Variants in PDE1C observed in about 807,000 individuals in gnomAD.
PDE1C encodes the protein dual specificity calcium/calmodulin-dependent 3',5'-cyclic nucleotide phosphodiesterase 1C.
PDE1C carries 62 observed loss-of-function variants against 93.1 expected under a neutral mutation model. The observed-to-expected ratio is 0.67, with a 90% CI of 0.54 to 0.82. The LOEUF (loss-of-function observed/expected upper bound fraction) is 0.82. Ranked by LOEUF, PDE1C falls within the 40% of genes least tolerant of loss-of-function variation. The pLI is 0.00. For synonymous variants in PDE1C, 325 were observed against 310.1 expected (o/e 1.05, Z -0.50); for missense variants, 742 against 884.6 (o/e 0.84, Z 2.04).
chr7:31,638,922 A>T, the PDE1C span, among the ~76,000 whole-genome samples: 3 of 152,132 alleles, frequency 2.0e-5, no homozygotes, highest in East Asian at 5.8e-4. Flanking sequence ...GATTACAGGC[A>T]CCTGCCACCA....
chr7:31,621,187 G>A, the PDE1C span, among the ~76,000 whole-genome samples: 3 of 152,156 alleles, frequency 2.0e-5, no homozygotes, highest in Non-Finnish European at 4.4e-5. Context: ...CAATCTGCAG[G>A]ATATTATCCA....
At chr7:31,658,564 T>C in the PDE1C span, 1 of 407,554 alleles carries the variant, frequency 2.5e-6, no homozygotes. Context: ...CAAATTGTAA[T>C]TTAAAACAAC....
At chr7:32,425,438 TA>T (rs1785507745) in intron 1 of PDE1C, among the ~76,000 whole-genome samples, 1 of 152,280 alleles carries the variant, frequency 6.6e-6, no homozygotes, top group South Asian at 2.1e-4. Context: ...CTAGGTGATA[TA>T]AAACTCAGAA....
At chr7:31,940,742 T>C (rs533350790) in intron 2 of PDE1C, among the ~76,000 whole-genome samples, 1 of 152,284 alleles carries the variant, frequency 6.6e-6, no homozygotes, top group East Asian at 1.9e-4. Flanking sequence ...TGATAATTAA[T>C]TCTGGTAAGG....
intron 2 of PDE1C, among the ~76,000 whole-genome samples, chr7:32,036,863 T>A (rs776559598): frequency 2.0e-5 from 3 of 152,146 alleles, no homozygotes; most frequent in Non-Finnish European, 4.4e-5. Flanking sequence ...GAAATGTAAA[T>A]CCACAGCTCT....
the PDE1C span, among the ~76,000 whole-genome samples, chr7:31,738,744 G>A: frequency 6.6e-6 from 1 of 152,188 alleles, no homozygotes; most frequent in South Asian, 2.1e-4. Flanking sequence ...TTGGGACTCA[G>A]GAAGACCTGG....
At chr7:31,726,355 G>A in the PDE1C span, among the ~76,000 whole-genome samples, 1 of 152,074 alleles carries the variant, frequency 6.6e-6, no homozygotes, top group Non-Finnish European at 1.5e-5. Flanking sequence ...ACTGCACCTA[G>A]CAAAATAATA....
In PDE1C at chr7:32,207,076, C is replaced by T. The variant is rs1239272627; in HGVS notation, c.136+2413G>A. Among the ~76,000 whole-genome samples the T allele has an allele frequency of 2.0e-5, 3 of 152,274 alleles. No homozygotes were observed. The East Asian group carries it at 5.8e-4, about 29-fold the overall frequency. On this transcript the variant is annotated intron_variant, in intron 2 of 18. Transcript: ENST00000396193. ...GGTTGATTGGAAGCCACTGCTTGAGCCTGCAATGATGGGGCAGGGGTGGTG... is the reference window on the plus strand; with the variant it reads ...GGTTGATTGGAAGCCACTGCTTGAGTCTGCAATGATGGGGCAGGGGTGGTG...
At chr7:31,920,088 G>C (rs542059109) in intron 2 of PDE1C, among the ~76,000 whole-genome samples, 61 of 152,256 alleles carry the variant, frequency 4.0e-4, no homozygotes, top group Non-Finnish European at 8.8e-5. Context: ...GCCTGACCTG[G>C]AGATCAACCA....
At chr7:32,047,237 G>A (rs1792729704) in intron 2 of PDE1C, among the ~76,000 whole-genome samples, 1 of 152,040 alleles carries the variant, frequency 6.6e-6, no homozygotes, top group Admixed American at 6.6e-5. Flanking sequence ...ATAACTTGAA[G>A]GTGAAACTCT....
chr7:32,020,890 C>G (rs147140935), intron 2 of PDE1C, among the ~76,000 whole-genome samples: 22 of 152,268 alleles, frequency 1.4e-4, no homozygotes, highest in African/African-American at 4.6e-4. Flanking sequence ...TTTCTAGACC[C>G]TCAGTCTGGT....
chr7:31,838,850 G>A (rs1479521318), intron 9 of PDE1C, among the ~76,000 whole-genome samples: 1 of 151,908 alleles, frequency 6.6e-6, no homozygotes, highest in Non-Finnish European at 1.5e-5. Flanking sequence ...CTGTAATCAT[G>A]ATACCAAATA....
At chr7:31,693,138 C>A in the PDE1C span, among the ~76,000 whole-genome samples, 5 of 152,208 alleles carry the variant, frequency 3.3e-5, no homozygotes, top group African/African-American at 1.2e-4. Flanking sequence ...ATGACTCCCC[C>A]CTCCTCTCCC....
chr7:32,281,972 G>A (rs1811662037), intron 1 of PDE1C, among the ~76,000 whole-genome samples: 1 of 152,034 alleles, frequency 6.6e-6, no homozygotes, highest in South Asian at 2.1e-4. Context: ...AGAACACTTG[G>A]ACACAGGGCA....
intron 1 of PDE1C, among the ~76,000 whole-genome samples, chr7:32,391,289 A>C (rs2128093070): frequency 6.6e-6 from 1 of 152,310 alleles, no homozygotes; most frequent in South Asian, 2.1e-4. Context: ...TGAAAAGGTC[A>C]ATTAATCAAG....
chr7:32,403,988 A>G (rs560794975), intron 1 of PDE1C, among the ~76,000 whole-genome samples: 1 of 152,302 alleles, frequency 6.6e-6, no homozygotes, highest in Middle Eastern at 3.4e-3. Flanking sequence ...CCTCAACACA[A>G]GAATCTGCAC....
At chr7:32,402,754 T>C (rs1486121533) in intron 1 of PDE1C, among the ~76,000 whole-genome samples, 1 of 152,218 alleles carries the variant, frequency 6.6e-6, no homozygotes, top group Non-Finnish European at 1.5e-5. Context: ...AAATAGTATT[T>C]ATATAATGTT....
chr7:31,632,564 A>G, the PDE1C span, among the ~76,000 whole-genome samples: 58 of 152,340 alleles, frequency 3.8e-4, 1 homozygote, highest in African/African-American at 1.3e-3. Context: ...GTTTCTAAAC[A>G]TTTATTTATT....
chr7:31,772,993 A>C lies in PDE1C; in HGVS notation c.1960+2671T>G, dbSNP rs147605830. ...GCTCCTGAGGCAGGAAGGGAAGTAG[A>C]GAGCTGGGTATTGCAATGAGGTGGT... On this transcript the variant is annotated intron_variant, in intron 17 of 17. Transcript: ENST00000396191. Among the ~76,000 whole-genome samples the C allele has an allele frequency of 9.8e-3, 1,492 of 152,290 alleles. 15 individuals carry two copies. Among genetic ancestry groups the C allele is most frequent in the African/African-American group, 0.033 (1,371 of 41,572 alleles).
Sources: gnomAD v4.1 joint callset for allele counts (sites outside exome capture counted in the v4.1 genomes callset) on GRCh38, gnomAD v4.1.1 for gene constraint, MANE v1.5 for transcripts, NCBI Gene and HGNC (gene_info 2026-07-23, HGNC 2026-07-21) for gene names.